SUSD4: variants seen among roughly 807,000 people sequenced by gnomAD.
The protein encoded by SUSD4 is sushi domain-containing protein 4.
SUSD4 carries 41 observed loss-of-function variants against 50.5 expected under a neutral mutation model. The ratio of observed to expected loss-of-function variants is 0.81; its 90% CI spans 0.63 to 1.05. The LOEUF is 1.05. Ranked by LOEUF, SUSD4 falls within the 50% of genes least tolerant of loss-of-function variation. The pLI is 0.00. For synonymous variants in SUSD4, 257 were observed against 257.3 expected, an observed-to-expected ratio of 1.00 and a Z score of 0.01; for missense variants, 580 against 634.7, an observed-to-expected ratio of 0.91 and a Z score of 0.93.
intron 3 of SUSD4, chr1:223,289,134 C>T (rs966899285): frequency 2.8e-5 from 28 of 985,448 alleles, no homozygotes; most frequent in Non-Finnish European, 3.0e-5. Context: ...AGGTCAGCAG[C>T]CCTGCGCCCA....
chr1:223,364,991 C>T (rs960480261), upstream of SUSD4, among the ~76,000 whole-genome samples: 2 of 152,116 alleles, frequency 1.3e-5, no homozygotes, highest in Non-Finnish European at 2.9e-5. The surrounding 1 kb of genome is among the most constrained non-coding windows in gnomAD (Gnocchi z 4.5). Context: ...GGACCCCTGT[C>T]CGGTCTTGGA....
At chr1:223,293,063 G>A (rs994860841) in intron 2 of SUSD4, among the ~76,000 whole-genome samples, 12 of 152,172 alleles carry the variant, frequency 7.9e-5, no homozygotes, top group Non-Finnish European at 1.8e-4. Context: ...ACTCTGTGCA[G>A]GGAGGCATGG....
rs369588436 is a variant in SUSD4 at position 223,264,747 on chromosome 1, C to G, written c.607G>C (p.Gly203Arg). ...AAGCAGCGATAGGAGATCACAGTCC[C>G]CACCGGGAAGGAGGTCTGGAGCTCA... ...ISELQTSFPV[G>R]TVISYRCFPG... is the part of the protein sequence containing the mutation. Residue 203 changes from glycine (G) to arginine (R), a missense_variant, in exon 5 of 9, where the codon GGG becomes CGG. By Grantham distance (125) the Gly-to-Arg change is moderately radical. Transcript: ENST00000366878. The G allele has an allele frequency of 3.1e-6, 5 of 1,614,064 alleles. No homozygotes were observed. Among genetic ancestry groups the G allele is most frequent in the African/African-American group, 2.7e-5 (2 of 74,932 alleles).
chr1:223,365,201 C>G (rs144427708), upstream of SUSD4, among the ~76,000 whole-genome samples: 1 of 151,970 alleles, frequency 6.6e-6, no homozygotes, highest in Non-Finnish European at 1.5e-5. Context: ...GGTCGGTCCC[C>G]TGTCTCTGCG....
chr1:223,227,851 G>A lies in SUSD4; in HGVS notation c.917-113C>T. 1 of 1,368,622 alleles carries A rather than the reference G, an allele frequency of 7.3e-7. No individual in the cohort carries two copies. The highest frequency in any genetic ancestry group is 9.9e-7 in the Non-Finnish European group (1 of 1,013,700). 84.8% of individuals were successfully genotyped at this position (1,368,622 alleles called of 1,614,324 possible). A position where few individuals can be genotyped will look rare whatever the true frequency, so the allele number is the denominator to read the frequency against. ...CTGGCACAAGAGATGCGTGCAAGGT[G>A]CCTCTGACCCCCAGGGCTCGGCAGA... On this transcript the variant is annotated intron_variant, in intron 6 of 8. Coordinates refer to ENST00000366878, the MANE Select transcript of SUSD4 (RefSeq NM_017982.4). The surrounding 1 kb of genome is among the most constrained non-coding windows in gnomAD (Gnocchi z 4.5).
At chr1:223,268,013 T>TTTTATATA (rs1553291076) in intron 4 of SUSD4, among the ~76,000 whole-genome samples, 2 of 53,344 alleles carry the variant, frequency 3.7e-5, no homozygotes, top group African/African-American at 2.3e-4. Flanking sequence ...CATGCATTTT[T>TTTTATATA]TATATATATA....
At position 223,229,833 on chromosome 1, in the gene SUSD4, C is replaced by T. The variant is rs1571836358; in HGVS notation, c.725-445G>A. Among the ~76,000 whole-genome samples, 1 of 152,214 alleles carries T rather than the reference C, an allele frequency of 6.6e-6. No individual in the cohort carries two copies. Among genetic ancestry groups the T allele is most frequent in the Non-Finnish European group, 1.5e-5 (1 of 68,034 alleles). On this transcript the variant is annotated intron_variant, in intron 5 of 8. Transcript: ENST00000366878. The surrounding 1 kb of genome is among the most constrained non-coding windows in gnomAD (Gnocchi z 4.7). The stretch of plus-strand genomic sequence containing the variant: ...TAGTAATTTGGGTCTATTAAAATCA[C>T]AGGGCAGTGTCCCTAACCTGATCCC...
intron 5 of SUSD4, among the ~76,000 whole-genome samples, chr1:223,253,930 C>A (rs1661508923): frequency 1.3e-5 from 2 of 152,184 alleles, no homozygotes; most frequent in African/African-American, 4.8e-5. Context: ...CCTTCAGTAA[C>A]CTGACATTTA....
chr1:223,283,763 T>C (rs1379829255), intron 3 of SUSD4, among the ~76,000 whole-genome samples: 2 of 152,212 alleles, frequency 1.3e-5, no homozygotes, highest in Non-Finnish European at 2.9e-5. Flanking sequence ...ATCATGCTGC[T>C]ATAAAGGCAC....
At chr1:223,320,671 C>T (rs111311443) in intron 2 of SUSD4, among the ~76,000 whole-genome samples, 1 of 152,208 alleles carries the variant, frequency 6.6e-6, no homozygotes, top group Non-Finnish European at 1.5e-5. Flanking sequence ...CAGTACCCTG[C>T]AGCTCACACA....
intron 3 of SUSD4, among the ~76,000 whole-genome samples, chr1:223,270,939 CAATCCCAGAAT>C (rs1366828868): frequency 1.3e-5 from 2 of 152,154 alleles, no homozygotes; most frequent in Non-Finnish European, 2.9e-5. Flanking sequence ...GAATCAACCC[CAATCCCAGAAT>C]AATCCTAACT....
chr1:223,268,042 T>TATATATATATATATAC (rs869264392), intron 4 of SUSD4, among the ~76,000 whole-genome samples: 4 of 106,834 alleles, frequency 3.7e-5, no homozygotes, highest in Admixed American at 2.1e-4. Context: ...TATATATATA[T>TATATATATATATATAC]ACACACACAC....
intron 3 of SUSD4, chr1:223,289,170 A>G (rs912514046): frequency 1.0e-4 from 99 of 985,266 alleles, no homozygotes; most frequent in Non-Finnish European, 7.4e-5. Flanking sequence ...GTCCTTTGCC[A>G]ATTCTAGGGT....
At chr1:223,281,891 C>T (rs1226607259) in intron 3 of SUSD4, among the ~76,000 whole-genome samples, 39 of 152,232 alleles carry the variant, frequency 2.6e-4, no homozygotes, top group African/African-American at 6.3e-4. Flanking sequence ...TTATCCACCA[C>T]GATCAAGTGG....
chr1:223,344,497 G>A (rs1667925375), intron 2 of SUSD4, among the ~76,000 whole-genome samples: 2 of 152,098 alleles, frequency 1.3e-5, no homozygotes, highest in African/African-American at 4.8e-5. Context: ...TTGTAGCTAA[G>A]GGAAGAGCCA....
At chr1:223,291,335 A>T (rs1190743460) in intron 3 of SUSD4, among the ~76,000 whole-genome samples, 1 of 152,014 alleles carries the variant, frequency 6.6e-6, no homozygotes, top group Non-Finnish European at 1.5e-5. Flanking sequence ...TCTACAAAAA[A>T]TACAAAAATT....
At chr1:223,255,730 G>A (rs1458181327) in intron 5 of SUSD4, among the ~76,000 whole-genome samples, 4 of 152,092 alleles carry the variant, frequency 2.6e-5, no homozygotes, top group African/African-American at 4.8e-5. Flanking sequence ...CCCATGGAAA[G>A]AAGCTCCCCT....
intron 2 of SUSD4, among the ~76,000 whole-genome samples, chr1:223,362,927 G>GTCC (rs1553315469): frequency 4.6e-5 from 2 of 43,684 alleles, no homozygotes; most frequent in Admixed American, 2.1e-4. Context: ...ACTCCCCACT[G>GTCC]CCCCCACCCC....
chr1:223,271,297 C>T (rs1662904970), intron 3 of SUSD4, among the ~76,000 whole-genome samples: 1 of 152,172 alleles, frequency 6.6e-6, no homozygotes, highest in Admixed American at 6.5e-5. Context: ...CAGAAGCACC[C>T]AAGCCTTGTT....
Sources: allele counts gnomAD v4.1 joint callset (sites outside exome capture counted in the v4.1 genomes callset), GRCh38; gene constraint gnomAD v4.1.1; non-coding constraint Gnocchi (gnomAD v3.1); transcripts MANE v1.5; gene names NCBI Gene and HGNC (gene_info 2026-07-23, HGNC 2026-07-21).